INPP4B: variants seen among roughly 807,000 people sequenced by gnomAD.
The protein encoded by INPP4B is inositol polyphosphate 4-phosphatase type II.
A neutral mutation model predicts 122.5 loss-of-function variants in INPP4B; 55 were observed. The observed-to-expected ratio is 0.45, with a 90% CI of 0.36 to 0.56. The LOEUF is 0.56. INPP4B is among the 20% of genes least tolerant of loss of function. The probability of loss-of-function intolerance (pLI) is 0.00; values close to 1 mark genes in which losing one functional copy is unlikely to be tolerated. For missense variants in INPP4B, 1,000 were observed against 1,097.7 expected (o/e 0.91, Z 1.26); for synonymous variants, 403 against 388.7 (o/e 1.04, Z -0.43).
intron 7 of INPP4B, among the ~76,000 whole-genome samples, chr4:142,326,064 G>A (rs1422451458): frequency 6.6e-6 from 1 of 152,166 alleles, no homozygotes; most frequent in Non-Finnish European, 1.5e-5. Flanking sequence ...AGTCAAAGAG[G>A]TCTCCTTATA....
chr4:142,296,946 T>C (rs960415735), intron 9 of INPP4B, among the ~76,000 whole-genome samples: 3 of 152,208 alleles, frequency 2.0e-5, no homozygotes, highest in African/African-American at 7.2e-5. Flanking sequence ...CTGTATTTGA[T>C]GTCACCCTTC....
chr4:142,033,583 A>G (rs1475244668), intron 25 of INPP4B, among the ~76,000 whole-genome samples: 2 of 151,514 alleles, frequency 1.3e-5, no homozygotes, highest in Admixed American at 6.6e-5. Flanking sequence ...ACTTTCATAC[A>G]TGGTTTTCCC....
intron 2 of INPP4B, among the ~76,000 whole-genome samples, chr4:142,546,213 T>C (rs1005299645): frequency 3.3e-5 from 5 of 152,120 alleles, no homozygotes; most frequent in Non-Finnish European, 7.4e-5. Context: ...CTGTGTAAGT[T>C]TGCTAAGGAT....
At chr4:142,480,066 A>G (rs990722621) in intron 2 of INPP4B, among the ~76,000 whole-genome samples, 1 of 152,206 alleles carries the variant, frequency 6.6e-6, no homozygotes, top group Non-Finnish European at 1.5e-5. Flanking sequence ...GTCACTCCAG[A>G]TAGTCATTTT....
chr4:142,807,878 G>C (rs544225149), intron 1 of INPP4B, among the ~76,000 whole-genome samples: 17 of 152,204 alleles, frequency 1.1e-4, no homozygotes, highest in African/African-American at 4.1e-4. Context: ...ATTTATACTA[G>C]AACTATGTGA....
At chr4:142,751,205 ATAAATGAAT>A (rs1241535935) in intron 1 of INPP4B, among the ~76,000 whole-genome samples, 1 of 151,574 alleles carries the variant, frequency 6.6e-6, no homozygotes, top group Non-Finnish European at 1.5e-5. Flanking sequence ...TAAGAATAGT[ATAAATGAAT>A]TAATGGGCAA....
chr4:142,455,974 T>G (rs576101131), intron 3 of INPP4B, among the ~76,000 whole-genome samples: 1 of 152,134 alleles, frequency 6.6e-6, no homozygotes, highest in African/African-American at 2.4e-5. Context: ...TCTATTCAAA[T>G]ATTTTGCCCA....
At chr4:142,739,949 A>G (rs896029813) in intron 1 of INPP4B, among the ~76,000 whole-genome samples, 1 of 152,062 alleles carries the variant, frequency 6.6e-6, no homozygotes, top group African/African-American at 2.4e-5. Flanking sequence ...TCCCATTTTC[A>G]TAACATTTCT....
At chr4:142,806,910 C>T (rs1395805051) in intron 1 of INPP4B, among the ~76,000 whole-genome samples, 1 of 151,888 alleles carries the variant, frequency 6.6e-6, no homozygotes, top group Non-Finnish European at 1.5e-5. Context: ...CATGAAGTCT[C>T]CCTAGAGCTT....
At chr4:142,326,559 C>G (rs72941145) in intron 7 of INPP4B, among the ~76,000 whole-genome samples, 5,627 of 152,258 alleles carry the variant, frequency 0.037, 346 homozygotes, top group African/African-American at 0.13. Context: ...ACTTCCACCA[C>G]TGCCTCCATC....
intron 2 of INPP4B, among the ~76,000 whole-genome samples, chr4:142,491,498 A>G (rs1821867082): frequency 6.6e-6 from 1 of 152,098 alleles, no homozygotes; most frequent in East Asian, 1.9e-4. Context: ...TATTAAAAAG[A>G]CAAAAAAAAT....
intron 24 of INPP4B, among the ~76,000 whole-genome samples, chr4:142,084,198 A>G (rs1483193790): frequency 6.6e-6 from 1 of 152,158 alleles, no homozygotes; most frequent in Non-Finnish European, 1.5e-5. Context: ...ATTTCAGCTC[A>G]CTGCAACCAC....
chr4:142,840,054 C>T (rs575130879), intron 1 of INPP4B, among the ~76,000 whole-genome samples: 290 of 152,150 alleles, frequency 1.9e-3, no homozygotes, highest in African/African-American at 6.6e-3. Flanking sequence ...ATTATTCAGT[C>T]AAAGGCAAGG....
chr4:142,358,514 C>T (rs1784344688), intron 7 of INPP4B, among the ~76,000 whole-genome samples: 1 of 151,766 alleles, frequency 6.6e-6, no homozygotes, highest in African/African-American at 2.4e-5. Context: ...CAGCTCTACT[C>T]TAGAACAGAG....
chr4:142,185,213 T>C (rs1832613359), intron 15 of INPP4B, among the ~76,000 whole-genome samples: 2 of 152,086 alleles, frequency 1.3e-5, no homozygotes, highest in Admixed American at 1.3e-4. Context: ...AGGTGCTACA[T>C]TGAACAGTGG....
chr4:142,415,912 C>G (rs546864268), intron 5 of INPP4B, among the ~76,000 whole-genome samples: 1 of 151,534 alleles, frequency 6.6e-6, no homozygotes, highest in Non-Finnish European at 1.5e-5. Flanking sequence ...GACAAAAAAC[C>G]GAACACCGCA....
At chr4:142,095,856 T>C (rs1416832574) in intron 23 of INPP4B, among the ~76,000 whole-genome samples, 1 of 152,190 alleles carries the variant, frequency 6.6e-6, no homozygotes, top group Non-Finnish European at 1.5e-5. Flanking sequence ...AATATAACTG[T>C]TGAAAAGCTC....
At chr4:142,353,358 C>T (rs1409940969) in intron 7 of INPP4B, among the ~76,000 whole-genome samples, 1 of 151,926 alleles carries the variant, frequency 6.6e-6, no homozygotes, top group Non-Finnish European at 1.5e-5. Flanking sequence ...AATGCTAAGT[C>T]AAGAAAAGAG....
intron 12 of INPP4B, among the ~76,000 whole-genome samples, chr4:142,217,343 C>T (rs1847707527): frequency 6.6e-6 from 1 of 152,084 alleles, no homozygotes; most frequent in Non-Finnish European, 1.5e-5. Context: ...TCTTTTTGTC[C>T]AACCGCAGTC....
Sources: allele counts gnomAD v4.1 joint callset (sites outside exome capture counted in the v4.1 genomes callset), GRCh38; gene constraint gnomAD v4.1.1; transcripts MANE v1.5; gene names NCBI Gene and HGNC (gene_info 2026-07-23, HGNC 2026-07-21).